The following KCNT2 variants were observed in gnomAD, a reference collection of about 807,000 sequenced individuals.
KCNT2 encodes the protein potassium sodium-activated channel subfamily T member 2, also known as potassium channel subfamily T member 2.
KCNT2 carries 67 observed loss-of-function variants against 153.8 expected under a neutral mutation model. The observed-to-expected ratio is 0.44, with a 90% confidence interval of 0.36 to 0.53. The LOEUF is 0.53. KCNT2 is among the 20% of genes least tolerant of loss of function. The pLI is 0.00. For missense variants in KCNT2, 975 were observed against 1,354.8 expected, an observed-to-expected ratio of 0.72 and a Z score of 4.40; for synonymous variants, 500 against 458.8, an observed-to-expected ratio of 1.09 and a Z score of -1.15.
intron 14 of KCNT2, among the ~76,000 whole-genome samples, chr1:196,366,080 G>C (rs74136528): frequency 0.03 from 4,556 of 151,978 alleles, 207 homozygotes; most frequent in African/African-American, 0.1. Flanking sequence ...TTTCTTTTCA[G>C]ATCTCAACTT....
chr1:196,340,638 A>G, intron 15 of KCNT2, 68 bp from the exon 16 acceptor site: 1 of 912,914 alleles, frequency 1.1e-6, no homozygotes, highest in Non-Finnish European at 1.6e-6. Flanking sequence ...GGAAAATAAA[A>G]GCTTTAAATA....
chr1:196,406,271 T>A (rs1388362608), intron 12 of KCNT2, among the ~76,000 whole-genome samples: 4 of 151,488 alleles, frequency 2.6e-5, no homozygotes, highest in Non-Finnish European at 5.9e-5. Context: ...CATGACTGAA[T>A]TAAGAAAATG....
rs533232021 is a variant in KCNT2 at position 196,301,136 on chromosome 1, A to G, written c.2595+4098T>C. On this transcript the variant is annotated intron_variant, in intron 22 of 27. Coordinates refer to ENST00000294725, the MANE Select transcript of KCNT2 (RefSeq NM_198503.5). ...CAACACACCTGAACAGACTTTTGTC[A>G]CAAACCATTGTCTGCTCTGTGGGCC... Among the ~76,000 whole-genome samples, 241 of 152,318 alleles carry G rather than the reference A, an allele frequency of 1.6e-3. 1 individual carries two copies. The highest frequency in any genetic ancestry group is 5.1e-3 in the African/African-American group (214 of 41,576).
intron 7 of KCNT2, among the ~76,000 whole-genome samples, chr1:196,465,697 A>G (rs1677553836): frequency 6.6e-6 from 1 of 151,976 alleles, no homozygotes; most frequent in Non-Finnish European, 1.5e-5. Flanking sequence ...CTACATGTTA[A>G]GCATGAACTT....
intron 14 of KCNT2, among the ~76,000 whole-genome samples, chr1:196,360,982 T>C (rs1558194189): frequency 6.6e-6 from 1 of 151,898 alleles, no homozygotes; most frequent in Non-Finnish European, 1.5e-5. Flanking sequence ...ATTCATATCC[T>C]ACAGAGGAAA....
At chr1:196,369,862 A>C (rs1276323409) in intron 14 of KCNT2, among the ~76,000 whole-genome samples, 1 of 152,108 alleles carries the variant, frequency 6.6e-6, no homozygotes, top group East Asian at 1.9e-4. Context: ...GGCTGGGTCA[A>C]ATGGTATTTC....
At chr1:196,258,559 A>G in intron 25 of KCNT2, 65 bp from the exon 26 acceptor site, 1 of 1,174,100 alleles carries the variant, frequency 8.5e-7, no homozygotes, top group Non-Finnish European at 1.2e-6. Context: ...AAGTTGAAAT[A>G]ATATTTTATT....
At chr1:196,580,296 A>G (rs1661873688) in intron 1 of KCNT2, among the ~76,000 whole-genome samples, 1 of 152,178 alleles carries the variant, frequency 6.6e-6, no homozygotes, top group Non-Finnish European at 1.5e-5. Context: ...AATCCCACAG[A>G]AATGTGGGTA....
chr1:196,328,857 G>T (rs965648290), intron 18 of KCNT2, among the ~76,000 whole-genome samples: 2 of 151,930 alleles, frequency 1.3e-5, no homozygotes, highest in Non-Finnish European at 2.9e-5. Flanking sequence ...CAAAGGAAAT[G>T]GTAACAAACA....
At chr1:196,250,305 A>C (rs1655844583) in intron 26 of KCNT2, among the ~76,000 whole-genome samples, 1 of 152,182 alleles carries the variant, frequency 6.6e-6, no homozygotes, top group South Asian at 2.1e-4. Flanking sequence ...CCAATGGAAC[A>C]GATTAGAGAA....
intron 8 of KCNT2, among the ~76,000 whole-genome samples, chr1:196,435,879 C>T (rs1674609379): frequency 6.6e-6 from 1 of 151,618 alleles, no homozygotes; most frequent in Non-Finnish European, 1.5e-5. Context: ...AAAAAGTCAC[C>T]TCCTCAAAGA....
chr1:196,507,276 A>G (rs940487976), intron 1 of KCNT2, among the ~76,000 whole-genome samples: 3 of 152,186 alleles, frequency 2.0e-5, no homozygotes, highest in Non-Finnish European at 2.9e-5. Flanking sequence ...ATTCACCATC[A>G]GTTCTATCAG....
At chr1:196,403,688 AT>A (rs1404113413) in intron 12 of KCNT2, among the ~76,000 whole-genome samples, 2 of 151,414 alleles carry the variant, frequency 1.3e-5, no homozygotes, top group Non-Finnish European at 3.0e-5. Context: ...CATTCTCTAT[AT>A]TTTTTGTTCC....
At position 196,294,792 on chromosome 1, in the gene KCNT2, G is replaced by GAT. The variant is rs139358719; in HGVS notation, c.2596-9036_2596-9035dup. Among the ~76,000 whole-genome samples, 2,879 of 147,214 alleles carry GAT rather than the reference G, an allele frequency of 0.02. 172 individuals carry two copies. In the East Asian group the frequency reaches 0.23, roughly 12 times the overall value. ...TCAGATTAACGGATAAAGAAAATAT[G>GAT]ATATATATATATATATACATAATGG... On this transcript the variant is annotated intron_variant, in intron 22 of 27. Coordinates refer to ENST00000294725, the MANE Select transcript of KCNT2 (RefSeq NM_198503.5).
intron 14 of KCNT2, among the ~76,000 whole-genome samples, chr1:196,349,112 T>C (rs1197179445): frequency 6.6e-6 from 1 of 152,166 alleles, no homozygotes; most frequent in African/African-American, 2.4e-5. Context: ...TTTATTATCC[T>C]TGACATTTTT....
intron 19 of KCNT2, among the ~76,000 whole-genome samples, chr1:196,326,350 TAGAA>T (rs1350204616): frequency 1.3e-5 from 2 of 151,916 alleles, no homozygotes; most frequent in African/African-American, 4.8e-5. Flanking sequence ...AATGGTTCTT[TAGAA>T]AGACAAAAAA....
intron 22 of KCNT2, among the ~76,000 whole-genome samples, chr1:196,296,176 ACTGTC>A (rs1461170539): frequency 6.6e-6 from 1 of 151,960 alleles, no homozygotes; most frequent in African/African-American, 2.4e-5. Flanking sequence ...TTAAAGATAA[ACTGTC>A]CTAAGTTTAG....
At chr1:196,396,964 T>C (rs1320837250) in intron 13 of KCNT2, among the ~76,000 whole-genome samples, 10 of 151,498 alleles carry the variant, frequency 6.6e-5, no homozygotes, top group South Asian at 2.1e-4. Flanking sequence ...AAATCACAAA[T>C]TGTCTTTCGA....
At chr1:196,529,008 G>A (rs1420688623) in intron 1 of KCNT2, among the ~76,000 whole-genome samples, 1 of 152,068 alleles carries the variant, frequency 6.6e-6, no homozygotes, top group East Asian at 1.9e-4. Flanking sequence ...TAGAAAAAAT[G>A]TTGATTGTAA....
Sources: allele counts gnomAD v4.1 joint callset (sites outside exome capture counted in the v4.1 genomes callset), GRCh38; gene constraint gnomAD v4.1.1; transcripts MANE v1.5; gene names NCBI Gene and HGNC (gene_info 2026-07-23, HGNC 2026-07-21).